The following DOK5 variants were observed in gnomAD, a reference collection of about 807,000 sequenced individuals.
DOK5 encodes downstream of tyrosine kinase 5.
In DOK5, 27 loss-of-function variants were observed where a neutral mutation model predicts 43.3. That is an observed-to-expected ratio of 0.62 (90% confidence interval 0.46 to 0.86). The LOEUF (loss-of-function observed/expected upper bound fraction) is 0.86. DOK5 is among the 40% of genes least tolerant of loss of function. The pLI is 0.00. For missense variants in DOK5, 373 were observed against 392.9 expected (o/e 0.95, Z 0.43); for synonymous variants, 146 against 140.1 (o/e 1.04, Z -0.30).
At chr20:54,489,105 A>G (rs1982062812) in intron 1 of DOK5, among the ~76,000 whole-genome samples, 1 of 152,244 alleles carries the variant, frequency 6.6e-6, no homozygotes, top group Non-Finnish European at 1.5e-5. Context: ...TCTGAACAGT[A>G]GAACATTTTA....
At chr20:54,566,914 C>T (rs771419570) in intron 2 of DOK5, among the ~76,000 whole-genome samples, 2 of 152,164 alleles carry the variant, frequency 1.3e-5, no homozygotes, top group Non-Finnish European at 2.9e-5. Flanking sequence ...CTAATAGTGA[C>T]ATTTCACTGT....
intron 2 of DOK5, among the ~76,000 whole-genome samples, chr20:54,566,772 A>T (rs1259220261): frequency 6.6e-6 from 1 of 152,180 alleles, no homozygotes; most frequent in Non-Finnish European, 1.5e-5. Context: ...ATGCACCACC[A>T]TGCTTGGCTA....
At chr20:54,592,918 T>C (rs1395625149) in intron 5 of DOK5, among the ~76,000 whole-genome samples, 4 of 152,152 alleles carry the variant, frequency 2.6e-5, no homozygotes, top group African/African-American at 9.7e-5. Context: ...TACACTCAAA[T>C]TGAAAACCAT....
chr20:54,495,348 TG>T (rs1447099286), intron 1 of DOK5, among the ~76,000 whole-genome samples: 5 of 152,188 alleles, frequency 3.3e-5, no homozygotes, highest in Non-Finnish European at 4.4e-5. Flanking sequence ...AAGGGAATGC[TG>T]GTTATAGCTC....
At chr20:54,644,443 G>A (rs6023454) in intron 7 of DOK5, among the ~76,000 whole-genome samples, 1 of 151,662 alleles carries the variant, frequency 6.6e-6, no homozygotes, top group African/African-American at 2.4e-5. Context: ...AGTGGCTCAC[G>A]CCTGTAATCC....
At chr20:54,643,317 C>T (rs1979214613) in intron 6 of DOK5, 141 bp from the exon 7 acceptor site, 37 of 1,167,390 alleles carry the variant, frequency 3.2e-5, no homozygotes, top group Non-Finnish European at 4.1e-5. Context: ...GCCACCATGC[C>T]CACCACCTTC....
intron 1 of DOK5, among the ~76,000 whole-genome samples, chr20:54,492,998 T>G (rs1982249736): frequency 7.2e-6 from 1 of 138,616 alleles, no homozygotes; most frequent in African/African-American, 2.8e-5. Context: ...GAGGTTGCAG[T>G]GAGCTGAGAC....
chr20:54,602,119 T>TC (rs1224878590), intron 5 of DOK5, among the ~76,000 whole-genome samples: 1 of 152,026 alleles, frequency 6.6e-6, no homozygotes, highest in African/African-American at 2.4e-5. Flanking sequence ...TTCCAAAGAG[T>TC]CCTGTTCTCT....
chr20:54,592,591 G>T (rs1408938397), intron 5 of DOK5, among the ~76,000 whole-genome samples: 2 of 151,046 alleles, frequency 1.3e-5, no homozygotes, highest in South Asian at 2.1e-4. Context: ...CCAGGCTGGA[G>T]TGTAGGTGGC....
intron 5 of DOK5, among the ~76,000 whole-genome samples, chr20:54,592,439 T>C (rs1202651988): frequency 6.6e-6 from 1 of 152,148 alleles, no homozygotes; most frequent in African/African-American, 2.4e-5. Context: ...AGTATATGGA[T>C]TGGTTGCTAC....
At chr20:54,495,927 G>A (rs945205132) in intron 1 of DOK5, among the ~76,000 whole-genome samples, 3 of 152,112 alleles carry the variant, frequency 2.0e-5, no homozygotes, top group Non-Finnish European at 4.4e-5. Context: ...AGGCTTCTGG[G>A]GTACCTCTAA....
intron 1 of DOK5, among the ~76,000 whole-genome samples, chr20:54,500,383 A>C (rs1406419551): frequency 6.6e-6 from 1 of 152,064 alleles, no homozygotes; most frequent in Non-Finnish European, 1.5e-5. Context: ...TCTTCTTTTT[A>C]TTGTCATTGT....
intron 6 of DOK5, among the ~76,000 whole-genome samples, chr20:54,628,387 C>A (rs561936255): frequency 1.9e-5 from 2 of 107,780 alleles, no homozygotes; most frequent in East Asian, 3.0e-4. Context: ...CCAGCCTGGG[C>A]GACAGAGCGA....
At chr20:54,513,462 CAAA>C (rs1011871917) in intron 1 of DOK5, among the ~76,000 whole-genome samples, 15 of 24,620 alleles carry the variant, frequency 6.1e-4, no homozygotes, top group Admixed American at 2.3e-3. Context: ...ATACTCTGAG[CAAA>C]AAAAAAAAAA....
intron 6 of DOK5, among the ~76,000 whole-genome samples, chr20:54,615,885 G>A (rs931757744): frequency 6.9e-6 from 1 of 145,440 alleles, no homozygotes; most frequent in African/African-American, 2.7e-5. Flanking sequence ...TGGTGACAGA[G>A]CGAGACTCCA....
chr20:54,539,418 C>T (rs896583186), intron 1 of DOK5, among the ~76,000 whole-genome samples: 15 of 152,010 alleles, frequency 9.9e-5, no homozygotes, highest in African/African-American at 3.4e-4. Flanking sequence ...TGAATCCTGC[C>T]TGTATCAATG....
Position 54,544,491 on chromosome 20 carries a change from G to A in DOK5, c.67-10442G>A, listed in dbSNP as rs548152526. Among the ~76,000 whole-genome samples the A allele has an allele frequency of 3.3e-5, 5 of 152,296 alleles. No homozygotes were observed. The East Asian group carries it at 9.6e-4, about 29-fold the overall frequency. On this transcript the variant is annotated intron_variant, in intron 1 of 7. Coordinates refer to ENST00000262593, the MANE Select transcript of DOK5 (RefSeq NM_018431.5). ...TTTCTTGGCCTCAGAGATCATCCAG[G>A]CCAATGCCCTTGTGACTGCTCAATG...
chr20:54,627,416 G>A (rs1298156418), intron 6 of DOK5, among the ~76,000 whole-genome samples: 1 of 152,122 alleles, frequency 6.6e-6, no homozygotes, highest in Non-Finnish European at 1.5e-5. Flanking sequence ...CATTTTATTG[G>A]ACATATTAGT....
chr20:54,551,470 C>T (rs971662691), intron 1 of DOK5, among the ~76,000 whole-genome samples: 1 of 152,194 alleles, frequency 6.6e-6, no homozygotes, highest in African/African-American at 2.4e-5. Flanking sequence ...TAAGAACTCT[C>T]TCCAGACTGT....
Sources: allele counts gnomAD v4.1 joint callset (sites outside exome capture counted in the v4.1 genomes callset), GRCh38; gene constraint gnomAD v4.1.1; transcripts MANE v1.5; gene names NCBI Gene and HGNC (gene_info 2026-07-23, HGNC 2026-07-21).